The following DLGAP1 variants were observed in gnomAD, a reference collection of about 807,000 sequenced individuals.
The protein encoded by DLGAP1 is disks large-associated protein 1.
In DLGAP1, 11 loss-of-function variants were observed where a neutral mutation model predicts 90.8. The observed-to-expected ratio is 0.12, with a 90% CI of 0.08 to 0.20. The LOEUF (loss-of-function observed/expected upper bound fraction) is 0.20, where lower values mean the gene tolerates loss of function less well. Ranked by LOEUF, DLGAP1 falls within the 10% of genes least tolerant of loss-of-function variation. DLGAP1 has a pLI of 1.00. For synonymous variants in DLGAP1, 558 were observed against 540.7 expected (o/e 1.03, Z -0.44); for missense variants, 1,050 against 1,333.8 (o/e 0.79, Z 3.31).
intron 5 of DLGAP1, among the ~76,000 whole-genome samples, chr18:3,812,217 AT>A (rs951745531): frequency 7.9e-5 from 12 of 151,424 alleles, no homozygotes; most frequent in Middle Eastern, 3.4e-3. Flanking sequence ...CCATAGAAGA[AT>A]TTTTTTTTCA....
At chr18:4,157,102 T>C (rs1161909718) in intron 1 of DLGAP1, among the ~76,000 whole-genome samples, 3 of 152,112 alleles carry the variant, frequency 2.0e-5, no homozygotes, top group Non-Finnish European at 4.4e-5. Flanking sequence ...GACGGGGACA[T>C]GTCTTGTCTG....
At chr18:3,533,120 C>T (rs934844420) in intron 10 of DLGAP1, among the ~76,000 whole-genome samples, 4 of 152,060 alleles carry the variant, frequency 2.6e-5, no homozygotes, top group Non-Finnish European at 5.9e-5. Context: ...GGCGAAACCC[C>T]GTCTCTACCA....
intron 1 of DLGAP1, among the ~76,000 whole-genome samples, chr18:4,251,096 CAGAGTCTTTAA>C (rs1347973317): frequency 6.6e-6 from 1 of 152,114 alleles, no homozygotes; most frequent in African/African-American, 2.4e-5. Flanking sequence ...ACAGAAGTGA[CAGAGTCTTTAA>C]AGAAAGGGTC....
At chr18:3,522,669 A>C (rs2051289410) in intron 10 of DLGAP1, among the ~76,000 whole-genome samples, 1 of 149,650 alleles carries the variant, frequency 6.7e-6, no homozygotes, top group Non-Finnish European at 1.5e-5. Context: ...CAGCTTCCCA[A>C]GTAGCTGGGA....
In DLGAP1 at chr18:3,699,806, C is replaced by T. The variant is rs148399113; in HGVS notation, c.1591+29329G>A. On this transcript the variant is annotated intron_variant, in intron 7 of 12. Transcript: ENST00000315677. Reference sequence around the variant, plus strand: ...TTTACTTATAGGCCCCTGACTGGGGCTGCTGCGTTTCTTTCAGAGATGCCC... The same window carrying T: ...TTTACTTATAGGCCCCTGACTGGGGTTGCTGCGTTTCTTTCAGAGATGCCC... 1.6e-3 allele frequency among the ~76,000 whole-genome samples: 250 copies of T among 152,316 alleles called. 2 individuals carry two copies. Among genetic ancestry groups the T allele is most frequent in the African/African-American group, 5.8e-3 (241 of 41,570 alleles).
intron 9 of DLGAP1, among the ~76,000 whole-genome samples, chr18:3,564,610 A>G (rs931266717): frequency 1.3e-5 from 2 of 152,212 alleles, no homozygotes; most frequent in Admixed American, 1.3e-4. Context: ...AGGACCTGGT[A>G]GAGTTCCTGG....
At chr18:4,116,571 ATC>A (rs1346037116) in intron 2 of DLGAP1, among the ~76,000 whole-genome samples, 1 of 151,622 alleles carries the variant, frequency 6.6e-6, no homozygotes, top group Non-Finnish European at 1.5e-5. Context: ...GGATTACATA[ATC>A]TCTACTGATC....
chr18:3,896,902 A>G (rs1016777803), intron 3 of DLGAP1: 2 of 152,280 alleles, frequency 1.3e-5, no homozygotes, highest in South Asian at 4.1e-4. Context: ...GCCCTGCCCC[A>G]TATTCAGGAG....
At position 3,498,334 on chromosome 18, in the gene DLGAP1, T is replaced by G. The variant is rs1396185794; in HGVS notation, c.*851A>C. 6.6e-6 allele frequency: 1 copy of G among 152,212 alleles called. No individual in the cohort carries two copies. The allele number at this position is 152,212 out of a possible 1,614,324, so 9.4% of individuals were successfully genotyped here. On this transcript the variant is annotated 3_prime_UTR_variant, in exon 13 of 13. Coordinates refer to ENST00000315677, the MANE Select transcript of DLGAP1 (RefSeq NM_004746.4). The stretch of plus-strand genomic sequence containing the variant: ...GTTGAGAAAACATTTCAGGTCTAGA[T>G]TTTCTTAATAATAGAACAAAAAAAT...
intron 3 of DLGAP1, among the ~76,000 whole-genome samples, chr18:3,961,000 GAA>G (rs1213093094): frequency 6.6e-6 from 1 of 152,210 alleles, no homozygotes; most frequent in Non-Finnish European, 1.5e-5. Context: ...TCTTACTCTG[GAA>G]AAGAGACACG....
At chr18:3,794,605 T>C (rs2065895122) in intron 5 of DLGAP1, among the ~76,000 whole-genome samples, 3 of 152,188 alleles carry the variant, frequency 2.0e-5, no homozygotes. Flanking sequence ...GGCTTTTGTG[T>C]GGGACAGGAA....
At chr18:4,097,768 A>T (rs1238848797) in intron 2 of DLGAP1, among the ~76,000 whole-genome samples, 1 of 152,246 alleles carries the variant, frequency 6.6e-6, no homozygotes. Flanking sequence ...CGACAAAAAT[A>T]TTCAGATAGA....
rs151273753 is a variant in DLGAP1 at position 3,644,692 on chromosome 18, C to T, written c.1592-62444G>A. ...CCTCCCAAAGTGCTGGGATTACAGG[C>T]GTGAGCCACTGCGGCCAGCCTATTA... On this transcript the variant is annotated intron_variant, in intron 7 of 12. Transcript: ENST00000315677. Among the ~76,000 whole-genome samples the T allele has an allele frequency of 9.8e-3, 1,493 of 152,236 alleles. 21 individuals are homozygous for T. The highest frequency in any genetic ancestry group is 0.034 in the African/African-American group (1,401 of 41,534).
chr18:3,846,544 C>T (rs1459310908), intron 4 of DLGAP1, among the ~76,000 whole-genome samples: 1 of 152,106 alleles, frequency 6.6e-6, no homozygotes, highest in African/African-American at 2.4e-5. Flanking sequence ...GTGGAAACAA[C>T]CCTTGTATCC....
chr18:4,434,402 G>A (rs764235501), intron 1 of DLGAP1, among the ~76,000 whole-genome samples: 5 of 152,076 alleles, frequency 3.3e-5, no homozygotes, highest in Non-Finnish European at 7.4e-5. Flanking sequence ...TTTAGGTTCT[G>A]CACCTGGTTT....
intron 2 of DLGAP1, among the ~76,000 whole-genome samples, chr18:4,120,980 G>A (rs969531267): frequency 1.8e-4 from 28 of 152,134 alleles, no homozygotes; most frequent in Non-Finnish European, 2.1e-4. Flanking sequence ...GGTGGTGGTT[G>A]GAGGAGGTGG....
At chr18:3,728,616 A>T (rs2062286546) in intron 7 of DLGAP1, among the ~76,000 whole-genome samples, 1 of 152,230 alleles carries the variant, frequency 6.6e-6, no homozygotes, top group African/African-American at 2.4e-5. Context: ...AATAAAACTC[A>T]TAAAATGTGC....
At chr18:3,914,909 A>T (rs1465243809) in intron 3 of DLGAP1, among the ~76,000 whole-genome samples, 3 of 152,026 alleles carry the variant, frequency 2.0e-5, no homozygotes. Context: ...ACACCTGGCT[A>T]ATTTTTGTGT....
At chr18:3,970,906 G>C (rs1351236183) in intron 3 of DLGAP1, among the ~76,000 whole-genome samples, 1 of 152,102 alleles carries the variant, frequency 6.6e-6, no homozygotes, top group African/African-American at 2.4e-5. Flanking sequence ...TGCATCCTGG[G>C]CCTATGAGGT....
Sources: allele counts gnomAD v4.1 joint callset (sites outside exome capture counted in the v4.1 genomes callset), GRCh38; gene constraint gnomAD v4.1.1; transcripts MANE v1.5; gene names NCBI Gene and HGNC (gene_info 2026-07-23, HGNC 2026-07-21).